The following PCDHGA6 variants were observed in gnomAD, a reference collection of about 807,000 sequenced individuals.
The protein encoded by PCDHGA6 is protocadherin gamma subfamily A, 6, also known as protocadherin gamma-A6.
Under a neutral mutation model 60.6 loss-of-function variants are expected in PCDHGA6, and 41 were observed. The observed-to-expected ratio is 0.68, with a 90% CI of 0.53 to 0.88. The LOEUF (loss-of-function observed/expected upper bound fraction) is 0.88. PCDHGA6 is among the 40% of genes least tolerant of loss of function. The pLI is 0.00. For missense variants in PCDHGA6, 1,312 were observed against 1,203.0 expected, an observed-to-expected ratio of 1.09 and a Z score of -1.34; for synonymous variants, 594 against 524.4, an observed-to-expected ratio of 1.13 and a Z score of -1.81.
At chr5:141,446,450 T>C (rs922188307) in intron 1 of PCDHGA6, among the ~76,000 whole-genome samples, 2 of 152,018 alleles carry the variant, frequency 1.3e-5, no homozygotes, top group Non-Finnish European at 2.9e-5. Context: ...AGTGCAGATA[T>C]TCAGTGTGTG....
rs56854727 is a variant in PCDHGA6, at chr5:141,438,635, TACACACAC to T, written c.2425-56162_2425-56155del. ...ATATATATATATATATATATATATA[TACACACAC>T]ACACACACATATATGTATATATATA... On this transcript the variant is annotated intron_variant, in intron 1 of 3. Transcript: ENST00000517434. Among the ~76,000 whole-genome samples, 72 of 33,376 alleles carry T rather than the reference TACACACAC, an allele frequency of 2.2e-3. 1 individual carries two copies. Among genetic ancestry groups the T allele is most frequent in the Non-Finnish European group, 3.0e-3 (57 of 18,970 alleles). The allele number at this position is 33,376 out of a possible 152,430, so 21.9% of individuals were successfully genotyped here.
intron 1 of PCDHGA6, chr5:141,404,062 T>G: frequency 6.2e-7 from 1 of 1,613,906 alleles, no homozygotes; most frequent in African/African-American, 1.3e-5. Flanking sequence ...TTCTTTTCAA[T>G]GCTCATGACC....
intron 2 of PCDHGA6, among the ~76,000 whole-genome samples, chr5:141,495,521 C>G (rs1385879589): frequency 6.6e-6 from 1 of 152,144 alleles, no homozygotes; most frequent in Non-Finnish European, 1.5e-5. Flanking sequence ...TTTCTCTTAC[C>G]TCTCAGTCCT....
In PCDHGA6 at chr5:141,375,350, A is replaced by C. The variant is rs1442876922; in HGVS notation, c.1267A>C (p.Thr423Pro). 1.2e-6 allele frequency: 2 copies of C among 1,613,744 alleles called. No individual in the cohort carries two copies. The highest frequency in any genetic ancestry group is 1.3e-5 in the African/African-American group (1 of 74,934). ...EEVFLYNITV[T>P]ATDKGTPPLS... ...GGTATTCTTGTACAACATCACTGTGACAGCCACGGACAAAGGAACACCACC... is the reference window on the plus strand; with the variant it reads ...GGTATTCTTGTACAACATCACTGTGCCAGCCACGGACAAAGGAACACCACC... Residue 423 changes from threonine to proline, a missense_variant, in exon 1 of 4, where the codon ACA becomes CCA. Transcript: ENST00000517434.
chr5:141,465,923 C>A (rs908350232), intron 1 of PCDHGA6, among the ~76,000 whole-genome samples: 2 of 152,062 alleles, frequency 1.3e-5, no homozygotes, highest in African/African-American at 4.8e-5. Flanking sequence ...GATTTCGAGT[C>A]CATCCTGGCT....
chr5:141,385,125 C>T (rs1206430746), intron 1 of PCDHGA6: 7 of 1,614,212 alleles, frequency 4.3e-6, no homozygotes, highest in Non-Finnish European at 8.5e-7. Context: ...ACTTTGTGGG[C>T]ATGGACGGGG....
intron 1 of PCDHGA6, among the ~76,000 whole-genome samples, chr5:141,462,688 A>G (rs919098530): frequency 3.9e-5 from 6 of 152,126 alleles, no homozygotes; most frequent in African/African-American, 1.4e-4. Flanking sequence ...TTTTGAGCAC[A>G]TTTATAATGG....
intron 1 of PCDHGA6, chr5:141,385,365 G>C: frequency 6.5e-7 from 1 of 1,539,374 alleles, no homozygotes; most frequent in Non-Finnish European, 8.7e-7. Flanking sequence ...GAATTTATTT[G>C]CATGATATTT....
chr5:141,399,195 G>A (rs773731727), intron 1 of PCDHGA6: 5 of 1,613,852 alleles, frequency 3.1e-6, no homozygotes, highest in Non-Finnish European at 4.2e-6. Context: ...TGGAAAACGC[G>A]GTGCCTGGAA....
At chr5:141,383,255 T>C (rs772221697) in intron 1 of PCDHGA6, 32 of 1,613,816 alleles carry the variant, frequency 2.0e-5, no homozygotes, top group African/African-American at 2.7e-5. Flanking sequence ...CTTTACCCTA[T>C]AGACGTGGAA....
intron 1 of PCDHGA6, among the ~76,000 whole-genome samples, chr5:141,472,590 C>T (rs1161871973): frequency 6.6e-6 from 1 of 151,908 alleles, no homozygotes; most frequent in Non-Finnish European, 1.5e-5. Flanking sequence ...GTCAGAAGCT[C>T]TCTTGAAATT....
At position 141,491,872 on chromosome 5, in the gene PCDHGA6, G is replaced by A; in HGVS notation, c.2425-2935G>A. On this transcript the variant is annotated intron_variant, in intron 1 of 3. Transcript: ENST00000517434. The surrounding 1 kb of genome is among the most constrained non-coding windows in gnomAD (Gnocchi z 6.9). ...CCGTTTGCGCGAAACCAGAGTGGCCGATTAAGGGATGGGGCTCCGAGCACC... is the reference window on the plus strand; with the variant it reads ...CCGTTTGCGCGAAACCAGAGTGGCCAATTAAGGGATGGGGCTCCGAGCACC... 6.9e-7 allele frequency: 1 copy of A among 1,452,190 alleles called. No individual in the cohort carries two copies. The highest frequency in any genetic ancestry group is 9.1e-7 in the Non-Finnish European group (1 of 1,098,644). The allele number at this position is 1,452,190 out of a possible 1,614,324, so 90.0% of individuals were successfully genotyped here.
intron 1 of PCDHGA6, chr5:141,479,743 T>C (rs2154578017): frequency 6.6e-6 from 1 of 152,356 alleles, no homozygotes; most frequent in African/African-American, 2.4e-5. Flanking sequence ...ATATGCACAA[T>C]GTGAAAGGTA....
intron 1 of PCDHGA6, among the ~76,000 whole-genome samples, chr5:141,400,828 A>G (rs2094080616): frequency 6.6e-6 from 1 of 152,184 alleles, no homozygotes. Context: ...TCGTTGTCTC[A>G]TTCTTTAACA....
In PCDHGA6 at chr5:141,433,028, G is replaced by T. The variant is rs539293579; in HGVS notation, c.2424+56521G>T. 27 of 1,614,116 alleles carry T rather than the reference G, an allele frequency of 1.7e-5. No individual in the cohort carries two copies. The highest frequency in any genetic ancestry group is 6.7e-5 in the Admixed American group (4 of 60,018). On this transcript the variant is annotated intron_variant, in intron 1 of 3. Coordinates refer to ENST00000517434, the MANE Select transcript of PCDHGA6 (RefSeq NM_018919.3). ...TTTCCTGCAGACCTATTCCCACGAG[G>T]TTTCCCTCACCACGGACTCGCGGAA...
At chr5:141,418,124 C>A (rs762154093) in intron 1 of PCDHGA6, 33 of 1,613,836 alleles carry the variant, frequency 2.0e-5, no homozygotes, top group East Asian at 1.3e-4. Flanking sequence ...TGTGAAGGAC[C>A]GAATAGACCG....
Position 141,421,845 on chromosome 5 carries a change from G to C in PCDHGA6, c.2424+45338G>C, listed in dbSNP as rs369443134. On this transcript the variant is annotated intron_variant, in intron 1 of 3. Transcript: ENST00000517434. ...AGGGAAGCCTGGACCGAGAGAAAGA[G>C]GCTGCTCACCTGCTCCTCCTCACAG... The C allele has an allele frequency of 1.1e-5, 18 of 1,613,638 alleles. No homozygotes were observed. The African/African-American group carries it at 2.1e-4, about 19-fold the overall frequency.
chr5:141,457,632 G>T (rs919693977), intron 1 of PCDHGA6, among the ~76,000 whole-genome samples: 1 of 152,142 alleles, frequency 6.6e-6, no homozygotes, highest in Non-Finnish European at 1.5e-5. Context: ...CTTATACTTG[G>T]CCTGATTATT....
At chr5:141,444,865 G>A (rs1038923777) in intron 1 of PCDHGA6, among the ~76,000 whole-genome samples, 1 of 152,098 alleles carries the variant, frequency 6.6e-6, no homozygotes, top group Non-Finnish European at 1.5e-5. Flanking sequence ...TCTTACTACA[G>A]GACAAAGCTT....
Sources: gnomAD v4.1 joint callset for allele counts (sites outside exome capture counted in the v4.1 genomes callset) on GRCh38, gnomAD v4.1.1 for gene constraint, Gnocchi (gnomAD v3.1) non-coding constraint, MANE v1.5 for transcripts, NCBI Gene and HGNC (gene_info 2026-07-23, HGNC 2026-07-21) for gene names.